The following STX1A variants were observed in gnomAD, a reference collection of about 807,000 sequenced individuals.
STX1A encodes the protein syntaxin 1A.
Under a neutral mutation model 37.8 loss-of-function variants are expected in STX1A, and 4 were observed. That is an observed-to-expected ratio of 0.11 (90% CI 0.05 to 0.24). STX1A has a LOEUF of 0.24. STX1A is among the 10% of genes least tolerant of loss of function. The pLI, the probability that STX1A is intolerant of heterozygous loss-of-function variation, is 1.00. For synonymous variants in STX1A, 135 were observed against 147.4 expected (o/e 0.92, Z 0.61); for missense variants, 251 against 399.9 (o/e 0.63, Z 3.18).
chr7:73,718,837 G>A (rs547925352), intron 1 of STX1A, among the ~76,000 whole-genome samples: 1 of 152,096 alleles, frequency 6.6e-6, no homozygotes, highest in Non-Finnish European at 1.5e-5. Flanking sequence ...CACACCCCAG[G>A]GGTTTCCCAG....
intron 1 of STX1A, among the ~76,000 whole-genome samples, chr7:73,714,360 G>A (rs898255306): frequency 2.0e-5 from 3 of 151,822 alleles, no homozygotes; most frequent in Non-Finnish European, 4.4e-5. Context: ...CACCCGCCTC[G>A]GTCTCCCAAA....
At chr7:73,715,190 G>A (rs986609720) in intron 1 of STX1A, among the ~76,000 whole-genome samples, 13 of 151,674 alleles carry the variant, frequency 8.6e-5, no homozygotes, top group Non-Finnish European at 1.8e-4. Context: ...TTGGGAGGCC[G>A]AGGCGGGCAG....
intron 8 of STX1A, among the ~76,000 whole-genome samples, chr7:73,701,955 C>T (rs1282799503): frequency 9.2e-5 from 14 of 152,302 alleles, no homozygotes; most frequent in Non-Finnish European, 1.6e-4. Context: ...ACCCAAACCC[C>T]CTCCAATCTA....
At chr7:73,704,061 G>C in intron 6 of STX1A, 87 bp downstream of exon 6, 1 of 1,413,416 alleles carries the variant, frequency 7.1e-7, no homozygotes, top group Non-Finnish European at 9.5e-7. Flanking sequence ...TAACTAAGCA[G>C]CAGCCTTGAG....
At position 73,719,637 on chromosome 7, in the gene STX1A, C is replaced by G. The variant is rs559869631; in HGVS notation, c.-6G>C. The G allele has an allele frequency of 5.0e-6, 6 of 1,197,476 alleles. No homozygotes were observed. In the East Asian group the frequency reaches 1.1e-4, roughly 22 times the overall value. 74.2% of individuals were successfully genotyped at this position (1,197,476 alleles called of 1,614,324 possible). On this transcript the variant is annotated 5_prime_UTR_variant, in exon 1 of 10. Transcript: ENST00000222812. Reference sequence around the variant, plus strand: ...TCCTGGGTTCGGTCCTTCATGCTCCCGGGAGTGGCAGCGGCGCCGGCTGCA... The same window carrying G: ...TCCTGGGTTCGGTCCTTCATGCTCCGGGGAGTGGCAGCGGCGCCGGCTGCA...
At position 73,700,288 on chromosome 7, in the gene STX1A, C is replaced by T. The variant is rs1316792614; in HGVS notation, c.*119G>A. 25 of 899,098 alleles carry T rather than the reference C, an allele frequency of 2.8e-5. No homozygotes were observed. Among genetic ancestry groups the T allele is most frequent in the South Asian group, 9.3e-5 (6 of 64,832 alleles). The allele number at this position is 899,098 out of a possible 1,614,324, so 55.7% of individuals were successfully genotyped here. ...ATGGCAGAGAAGGGAGCATGGGGGC[C>T]GGGAGGGAGGGTGCTCTGAGCCAGA... On this transcript the variant is annotated 3_prime_UTR_variant, in exon 10 of 10. Transcript: ENST00000222812. The surrounding 1 kb of genome is among the most constrained non-coding windows in gnomAD (Gnocchi z 4.4).
rs565239214 is a variant in STX1A at position 73,719,531 on chromosome 7, G to A, written c.30+71C>T. 2.0e-3 allele frequency: 2,317 copies of A among 1,183,794 alleles called. 33 individuals carry two copies. The African/African-American group carries it at 0.032, about 17-fold the overall frequency. 73.3% of individuals were successfully genotyped at this position (1,183,794 alleles called of 1,614,324 possible). A position where few individuals can be genotyped will look rare whatever the true frequency, so the allele number is the denominator to read the frequency against. On this transcript the variant is annotated intron_variant, in intron 1 of 9. Transcript: ENST00000222812. Reference sequence around the variant, plus strand: ...GGCCACCATCCTGGCCGCGGGAGCCGGGCGGGAAGTGTCCGGCGCGTTGGC... The same window carrying A: ...GGCCACCATCCTGGCCGCGGGAGCCAGGCGGGAAGTGTCCGGCGCGTTGGC...
chr7:73,718,584 T>A (rs897321522), intron 1 of STX1A, among the ~76,000 whole-genome samples: 6 of 151,896 alleles, frequency 4.0e-5, no homozygotes, highest in African/African-American at 1.2e-4. Flanking sequence ...GATGACCAGA[T>A]GAGACTCAAT....
chr7:73,704,242 G>T lies in STX1A; in HGVS notation c.372C>A (p.Ser124=). The T allele has an allele frequency of 6.2e-7, 1 of 1,614,022 alleles. No individual in the cohort carries two copies. Among genetic ancestry groups the T allele is most frequent in the Non-Finnish European group, 8.5e-7 (1 of 1,179,996 alleles). ...CCGACATGACCTCCACAAACTTTCT[G>T]GACAGCGTGGAGTGCTGGGGGCCCG... The part of the protein sequence containing the change: ...RIRKTQHSTL[S]RKFVEVMSEY... Residue 124 remains serine (S), a synonymous_variant, in exon 6 of 10, where the codon TCC becomes TCA. Transcript: ENST00000222812.
chr7:73,706,763 C>T lies in STX1A; in HGVS notation c.209-1539G>A, dbSNP rs1417152464. 1.3e-5 allele frequency among the ~76,000 whole-genome samples: 2 copies of T among 152,178 alleles called. No individual in the cohort carries two copies. Among genetic ancestry groups the T allele is most frequent in the African/African-American group, 4.8e-5 (2 of 41,448 alleles). ...CAATCAGCCACCTCCTGACCCTGAG[C>T]AGGAACAGCCCACAGAGGGACACAC... On this transcript the variant is annotated intron_variant, in intron 3 of 9. Transcript: ENST00000222812. The surrounding 1 kb of genome is among the most constrained non-coding windows in gnomAD (Gnocchi z 4.6).
At chr7:73,715,622 G>T (rs1799266085) in intron 1 of STX1A, among the ~76,000 whole-genome samples, 1 of 152,044 alleles carries the variant, frequency 6.6e-6, no homozygotes, top group East Asian at 1.9e-4. Flanking sequence ...AGGATTCCAG[G>T]ACACCTTCCT....
intron 1 of STX1A, among the ~76,000 whole-genome samples, chr7:73,711,115 A>G (rs1554617878): frequency 1.3e-5 from 2 of 151,882 alleles, no homozygotes; most frequent in African/African-American, 4.8e-5. Flanking sequence ...CAGCCTCCCA[A>G]GCAGCTGGGA....
chr7:73,715,807 A>G (rs1554618588), intron 1 of STX1A, among the ~76,000 whole-genome samples: 3 of 152,340 alleles, frequency 2.0e-5, no homozygotes, highest in South Asian at 2.1e-4. Context: ...ATCAAAGTCA[A>G]TATCACTAGT....
chr7:73,700,640 G>A lies in STX1A; in HGVS notation c.789+90C>T. The A allele has an allele frequency of 6.4e-7, 1 of 1,553,566 alleles. No individual in the cohort carries two copies. The highest frequency in any genetic ancestry group is 1.1e-5 in the South Asian group (1 of 87,456). ...TGTCATGGGGAGCTCCTGAGAGAAGGGAGAGAGGTGGGATGGGGAGGGATG... is the reference window on the plus strand; with the variant it reads ...TGTCATGGGGAGCTCCTGAGAGAAGAGAGAGAGGTGGGATGGGGAGGGATG... On this transcript the variant is annotated intron_variant, in intron 9 of 9. Coordinates refer to ENST00000222812, the MANE Select transcript of STX1A (RefSeq NM_004603.4). This position sits in a 1 kb window ranked among gnomAD's most constrained non-coding sequence, Gnocchi z 4.4.
In STX1A at chr7:73,705,125, C is replaced by A; in HGVS notation, c.283+25G>T. 6.2e-7 allele frequency: 1 copy of A among 1,611,938 alleles called. No individual in the cohort carries two copies. The highest frequency in any genetic ancestry group is 8.5e-7 in the Non-Finnish European group (1 of 1,177,992). On this transcript the variant is annotated intron_variant, in intron 4 of 9. Transcript: ENST00000222812. The surrounding 1 kb of genome is among the most constrained non-coding windows in gnomAD (Gnocchi z 5.2). ...GAAGCAGGCCTAGAATGCCCCCCAC[C>A]CACCCCCAGACAAGCCTGACTCACT...
At chr7:73,704,816 G>C in intron 4 of STX1A, 1 of 514,824 alleles carries the variant, frequency 1.9e-6, no homozygotes, top group East Asian at 3.4e-5. Flanking sequence ...TGGGGTGCAC[G>C]TGTCTGTTCA....
At chr7:73,719,044 G>A (rs1210368585) in intron 1 of STX1A, among the ~76,000 whole-genome samples, 4 of 151,866 alleles carry the variant, frequency 2.6e-5, no homozygotes, top group African/African-American at 9.7e-5. Flanking sequence ...GGAGCCACAG[G>A]TGACCAGGGT....
At chr7:73,707,901 C>T (rs1216937924) in intron 3 of STX1A, among the ~76,000 whole-genome samples, 1 of 146,676 alleles carries the variant, frequency 6.8e-6, no homozygotes, top group Admixed American at 7.0e-5. Context: ...CACCACTGCA[C>T]TGCAGCCTGG....
In STX1A at chr7:73,718,964, C is replaced by A. The variant is rs569697015; in HGVS notation, c.30+638G>T. Among the ~76,000 whole-genome samples the A allele has an allele frequency of 2.4e-3, 343 of 142,632 alleles. 2 individuals carry two copies. The highest frequency in any genetic ancestry group is 8.9e-3 in the African/African-American group (324 of 36,352). The allele number at this position is 142,632 out of a possible 152,430, so 93.6% of individuals were successfully genotyped here. On this transcript the variant is annotated intron_variant, in intron 1 of 9. Transcript: ENST00000222812. Reference sequence around the variant, plus strand: ...GTGGACCGGGGGCGGGTGTGACGCCCCCCCCCCCATACCTGGGGCGGGCAG... The same window carrying A: ...GTGGACCGGGGGCGGGTGTGACGCCACCCCCCCCATACCTGGGGCGGGCAG...
Sources: gnomAD v4.1 joint callset for allele counts (sites outside exome capture counted in the v4.1 genomes callset) on GRCh38, gnomAD v4.1.1 for gene constraint, Gnocchi (gnomAD v3.1) non-coding constraint, MANE v1.5 for transcripts, NCBI Gene and HGNC (gene_info 2026-07-23, HGNC 2026-07-21) for gene names.